ACYP2: variants seen among roughly 807,000 people sequenced by gnomAD.
The protein encoded by ACYP2 is acylphosphatase-2.
ACYP2 carries 12 observed loss-of-function variants against 11.2 expected under a neutral mutation model. The ratio of observed to expected loss-of-function variants is 1.08; its 90% CI spans 0.69 to 1.74. ACYP2 has a LOEUF of 1.74. Among genes scored for constraint, ACYP2 ranks in the 40% most tolerant of loss-of-function variants. The probability of loss-of-function intolerance (pLI) is 0.00; values close to 1 mark genes in which losing one functional copy is unlikely to be tolerated. For missense variants in ACYP2, 134 were observed against 101.9 expected (o/e 1.31, Z -1.35); for synonymous variants, 43 against 32.2 (o/e 1.33, Z -1.13).
intron 6 of ACYP2, among the ~76,000 whole-genome samples, chr2:54,279,031 C>T (rs940604497): frequency 6.6e-6 from 1 of 152,142 alleles, no homozygotes; most frequent in Non-Finnish European, 1.5e-5. Context: ...ATAAGTTAAA[C>T]CTCAAATCTT....
intron 4 of ACYP2, among the ~76,000 whole-genome samples, chr2:54,087,803 T>G (rs1678017247): frequency 1.3e-5 from 2 of 152,076 alleles, no homozygotes; most frequent in Admixed American, 6.5e-5. Flanking sequence ...AAACTGAAGT[T>G]TCAACCAAGA....
At chr2:54,020,245 G>C (rs1673932485) in intron 2 of ACYP2, among the ~76,000 whole-genome samples, 1 of 152,130 alleles carries the variant, frequency 6.6e-6, no homozygotes, top group Admixed American at 6.6e-5. Flanking sequence ...CCTTAATGAT[G>C]CTTCTTAATC....
intron 6 of ACYP2, among the ~76,000 whole-genome samples, chr2:54,243,150 A>G (rs956945877): frequency 2.6e-5 from 4 of 152,166 alleles, no homozygotes; most frequent in Non-Finnish European, 4.4e-5. Context: ...TTTGTCATGT[A>G]GATTGAAAAT....
At chr2:54,221,003 A>G (rs1352197429) in intron 6 of ACYP2, among the ~76,000 whole-genome samples, 1 of 152,220 alleles carries the variant, frequency 6.6e-6, no homozygotes, top group Non-Finnish European at 1.5e-5. Flanking sequence ...TGCTTTGGTC[A>G]GTGGAATGAA....
At chr2:53,971,939 C>G (rs573862349) in intron 1 of ACYP2, among the ~76,000 whole-genome samples, 2 of 152,350 alleles carry the variant, frequency 1.3e-5, no homozygotes, top group South Asian at 4.1e-4. Flanking sequence ...CTAAGGAATT[C>G]AGAGCTTTAT....
intron 6 of ACYP2, among the ~76,000 whole-genome samples, chr2:54,213,167 C>T (rs765115754): frequency 8.5e-5 from 13 of 152,118 alleles, no homozygotes; most frequent in East Asian, 1.9e-4. Context: ...GTTTAGCTCC[C>T]ATTTTTAAGA....
chr2:54,083,571 G>C (rs534990104), intron 4 of ACYP2, among the ~76,000 whole-genome samples: 1 of 150,446 alleles, frequency 6.6e-6, no homozygotes, highest in Admixed American at 6.7e-5. Context: ...TGATGGGAAA[G>C]GATAGTGAAA....
At chr2:54,235,583 C>T (rs1686441541) in intron 6 of ACYP2, among the ~76,000 whole-genome samples, 1 of 152,192 alleles carries the variant, frequency 6.6e-6, no homozygotes, top group South Asian at 2.1e-4. Flanking sequence ...ATCTCCTAAC[C>T]TCGTGATCTG....
At chr2:54,034,421 T>A (rs1558484382) in intron 2 of ACYP2, among the ~76,000 whole-genome samples, 1 of 152,172 alleles carries the variant, frequency 6.6e-6, no homozygotes, top group Admixed American at 6.6e-5. Context: ...TTTAGATACA[T>A]CTAGATACAC....
At chr2:54,146,439 A>ATTTTTTTTTTTTTTTTT (rs11360655) in intron 6 of ACYP2, among the ~76,000 whole-genome samples, 1 of 140,614 alleles carries the variant, frequency 7.1e-6, no homozygotes. Context: ...CTGATCCTCT[A>ATTTTTTTTTTTTTTTTT]TTTTTTTTTT....
At chr2:54,127,351 T>C (rs13427038) in intron 4 of ACYP2, among the ~76,000 whole-genome samples, 7,838 of 152,274 alleles carry the variant, frequency 0.051, 627 homozygotes, top group African/African-American at 0.17. Context: ...AACACCGTTA[T>C]ATGTCTTGTA....
chr2:54,302,973 C>G (rs1176171927), intron 6 of ACYP2, among the ~76,000 whole-genome samples: 5 of 152,176 alleles, frequency 3.3e-5, no homozygotes, highest in African/African-American at 1.2e-4. Context: ...TCATCAATAA[C>G]TGGGGGCAAT....
chr2:54,065,923 C>T (rs991377482), intron 4 of ACYP2: 1 of 160,334 alleles, frequency 6.2e-6, no homozygotes, highest in Non-Finnish European at 1.4e-5. Flanking sequence ...GTGTTCAGAG[C>T]CTCTTCTTTC....
At chr2:54,205,451 T>A (rs1004060523) in intron 6 of ACYP2, among the ~76,000 whole-genome samples, 2 of 152,210 alleles carry the variant, frequency 1.3e-5, no homozygotes, top group Non-Finnish European at 2.9e-5. Flanking sequence ...TATCCTCTTA[T>A]GACATCAGTA....
intron 6 of ACYP2, among the ~76,000 whole-genome samples, chr2:54,199,998 T>A (rs1189707044): frequency 2.0e-5 from 3 of 152,272 alleles, no homozygotes; most frequent in Non-Finnish European, 2.9e-5. Flanking sequence ...TGAAACCTAG[T>A]TAACAAATAT....
At chr2:54,042,141 G>A (rs1675266123) in intron 2 of ACYP2, among the ~76,000 whole-genome samples, 1 of 152,062 alleles carries the variant, frequency 6.6e-6, no homozygotes. Context: ...CAAGTAGCTG[G>A]GATTACAGGC....
chr2:54,220,275 ATCTT>A (rs1375460955), intron 6 of ACYP2, among the ~76,000 whole-genome samples: 7 of 152,150 alleles, frequency 4.6e-5, no homozygotes, highest in Non-Finnish European at 7.3e-5. Flanking sequence ...CCCAACTGTA[ATCTT>A]TCTTAATTAG....
At chr2:54,173,089 AT>A (rs1683285507) in intron 6 of ACYP2, among the ~76,000 whole-genome samples, 1 of 152,226 alleles carries the variant, frequency 6.6e-6, no homozygotes, top group African/African-American at 2.4e-5. Flanking sequence ...GTCAAATGGT[AT>A]TTCTACTTCC....
At chr2:54,237,272 CAT>C (rs566694639) in intron 6 of ACYP2, among the ~76,000 whole-genome samples, 172 of 152,240 alleles carry the variant, frequency 1.1e-3, no homozygotes, top group African/African-American at 3.9e-3. Context: ...GCTATTGGCA[CAT>C]GTTTTCATTT....
Sources: gnomAD v4.1 joint callset for allele counts (sites outside exome capture counted in the v4.1 genomes callset) on GRCh38, gnomAD v4.1.1 for gene constraint, MANE v1.5 for transcripts, NCBI Gene and HGNC (gene_info 2026-07-23, HGNC 2026-07-21) for gene names.